Variants in PREX2 observed in about 807,000 individuals in gnomAD.
PREX2 encodes the protein phosphatidylinositol-3,4,5-trisphosphate dependent Rac exchange factor 2.
In PREX2, 107 loss-of-function variants were observed where a neutral mutation model predicts 203.2. The observed-to-expected ratio is 0.53, with a 90% CI of 0.45 to 0.62. The LOEUF (loss-of-function observed/expected upper bound fraction) is 0.62. Ranked by LOEUF, PREX2 falls within the 20% of genes least tolerant of loss-of-function variation. The probability of loss-of-function intolerance (pLI) is 0.00; values close to 1 mark genes in which losing one functional copy is unlikely to be tolerated. For synonymous variants in PREX2, 672 were observed against 663.6 expected, an observed-to-expected ratio of 1.01 and a Z score of -0.19; for missense variants, 1,777 against 1,955.9, an observed-to-expected ratio of 0.91 and a Z score of 1.72.
chr8:68,065,177 C>T (rs1808979118), intron 11 of PREX2, among the ~76,000 whole-genome samples: 2 of 152,174 alleles, frequency 1.3e-5, no homozygotes, highest in African/African-American at 2.4e-5. Context: ...GAAGCATTTG[C>T]CTTACAGCTA....
At chr8:68,210,165 ATGT>A (rs1357280330) in intron 37 of PREX2, among the ~76,000 whole-genome samples, 1 of 152,192 alleles carries the variant, frequency 6.6e-6, no homozygotes, top group Non-Finnish European at 1.5e-5. Flanking sequence ...TTTCAAATTA[ATGT>A]TTAATCCCAC....
At chr8:68,146,987 T>C (rs1563565133) in intron 34 of PREX2, among the ~76,000 whole-genome samples, 1 of 152,164 alleles carries the variant, frequency 6.6e-6, no homozygotes, top group African/African-American at 2.4e-5. Context: ...CTTGAATCTT[T>C]CTTATTTTGG....
intron 38 of PREX2, chr8:68,220,187 A>G (rs913910911): frequency 6.6e-6 from 1 of 152,076 alleles, no homozygotes; most frequent in African/African-American, 2.4e-5. Flanking sequence ...TTTTGTGTAT[A>G]TACTTTTCAT....
chr8:68,070,237 A>C (rs1809157689), intron 13 of PREX2, among the ~76,000 whole-genome samples: 1 of 151,788 alleles, frequency 6.6e-6, no homozygotes. Flanking sequence ...TATTACTTGT[A>C]TATTAACTTT....
chr8:68,191,741 T>C lies in PREX2; in HGVS notation c.4366T>C (p.Ser1456Pro). ...QKLRAFYLDKSNSPPNSTSKA... is the reference protein window; with the variant it reads ...QKLRAFYLDKPNSPPNSTSKA... ...TTACAGGGCATTCTACTTGGACAAG[T>C]CAAATTCACCACCAAACTCCACATC... Residue 1456 changes from serine (S) to proline (P), a missense_variant, in exon 36 of 40, where the codon TCA becomes CCA. Transcript: ENST00000288368. 1 of 1,610,772 alleles carries C rather than the reference T, an allele frequency of 6.2e-7. No individual in the cohort carries two copies. The highest frequency in any genetic ancestry group is 8.5e-7 in the Non-Finnish European group (1 of 1,177,114).
chr8:67,954,406 T>C (rs555122570), intron 1 of PREX2, among the ~76,000 whole-genome samples: 15 of 152,318 alleles, frequency 9.8e-5, no homozygotes, highest in African/African-American at 3.4e-4. Context: ...TTTTAGGGTG[T>C]TATTTATAGC....
At chr8:68,055,996 C>T (rs1808667518) in intron 10 of PREX2, 22 bp downstream of exon 10, 1 of 1,587,378 alleles carries the variant, frequency 6.3e-7, no homozygotes, top group African/African-American at 1.4e-5. Flanking sequence ...AGTTTGGGTG[C>T]ATGACTTTCT....
Position 68,080,801 on chromosome 8 carries a change from C to G in PREX2, c.1841C>G (p.Pro614Arg). Residue 614 changes from proline to arginine, a missense_variant, in exon 17 of 40, where the codon CCA becomes CGA. Pro to Arg is a moderately radical substitution (Grantham distance 103). Transcript: ENST00000288368. Reference protein sequence around the residue: ...GFGLEDKNKVPIIKLVEKGSN... With the variant: ...GFGLEDKNKVRIIKLVEKGSN... ...GGATTAGAAGACAAAAATAAAGTTCCAATAATAAAGTTGGTAGAAAAGGGA... is the reference window on the plus strand; with the variant it reads ...GGATTAGAAGACAAAAATAAAGTTCGAATAATAAAGTTGGTAGAAAAGGGA... 1 of 1,559,428 alleles carries G rather than the reference C, an allele frequency of 6.4e-7. No homozygotes were observed. The highest frequency in any genetic ancestry group is 8.8e-7 in the Non-Finnish European group (1 of 1,136,052).
intron 31 of PREX2, among the ~76,000 whole-genome samples, chr8:68,131,259 T>G (rs1184855018): frequency 1.3e-5 from 2 of 152,248 alleles, no homozygotes; most frequent in African/African-American, 4.8e-5. Context: ...TGCCACTGTT[T>G]TCTAACTTTG....
chr8:68,072,407 T>C lies in PREX2; in HGVS notation c.1494-88T>C, dbSNP rs191734274. 358 of 695,648 alleles carry C rather than the reference T, an allele frequency of 5.1e-4. 2 individuals carry two copies. In the East Asian group the frequency reaches 6.7e-3, roughly 13 times the overall value. 43.1% of individuals were successfully genotyped at this position (695,648 alleles called of 1,614,324 possible). A position where few individuals can be genotyped will look rare whatever the true frequency, so the allele number is the denominator to read the frequency against. On this transcript the variant is annotated intron_variant, in intron 13 of 39. Coordinates refer to ENST00000288368, the MANE Select transcript of PREX2 (RefSeq NM_024870.4). ...GGTAAACTTCTCTGTTGCATATTGA[T>C]ACTAAATGAAAATATTTTCTTGTGC... is the stretch of plus-strand genomic sequence containing the variant.
At chr8:67,981,231 G>A (rs1806260512) in intron 1 of PREX2, among the ~76,000 whole-genome samples, 1 of 152,174 alleles carries the variant, frequency 6.6e-6, no homozygotes, top group Non-Finnish European at 1.5e-5. Flanking sequence ...CGAATGTCTT[G>A]TCAGGAAGAC....
intron 2 of PREX2, 120 bp from the exon 3 acceptor site, chr8:68,019,429 G>T (rs1034249176): frequency 2.8e-6 from 2 of 719,998 alleles, no homozygotes; most frequent in Non-Finnish European, 4.2e-6. Context: ...GGCTCTGTCG[G>T]CAAGGTGGGA....
At position 68,119,469 on chromosome 8, in the gene PREX2, T is replaced by C. The variant is rs748951166; in HGVS notation, c.3459T>C (p.Asp1153=). 3.1e-6 allele frequency: 5 copies of C among 1,613,906 alleles called. No individual in the cohort carries two copies. The highest frequency in any genetic ancestry group is 2.2e-5 in the South Asian group (2 of 91,056). Reference sequence around the variant, plus strand: ...CCTTAAGTGTTCGCATATCTCATGATAAACAGGACAAGATACATAGTTGCC... The same window carrying C: ...CCTTAAGTGTTCGCATATCTCATGACAAACAGGACAAGATACATAGTTGCC... The part of the protein sequence containing the change: ...ELPLSVRISH[D]KQDKIHSCLE... Residue 1153 remains aspartate, a synonymous_variant, in exon 28 of 40, where the codon GAT becomes GAC. Coordinates refer to ENST00000288368, the MANE Select transcript of PREX2 (RefSeq NM_024870.4).
At chr8:68,109,150 T>G in intron 24 of PREX2, 1 of 473,514 alleles carries the variant, frequency 2.1e-6, no homozygotes, top group Non-Finnish European at 3.9e-6. Context: ...CTGAGTATAG[T>G]TAACATATTG....
chr8:67,973,398 C>T (rs766769751), intron 1 of PREX2, among the ~76,000 whole-genome samples: 6 of 152,146 alleles, frequency 3.9e-5, no homozygotes, highest in Non-Finnish European at 8.8e-5. Flanking sequence ...AGAATCTCTC[C>T]GATAGGGTTC....
chr8:68,154,926 G>T (rs959717994), intron 34 of PREX2, among the ~76,000 whole-genome samples: 1 of 152,170 alleles, frequency 6.6e-6, no homozygotes, highest in African/African-American at 2.4e-5. Context: ...TTATTAGGGA[G>T]AATGAATGGG....
At chr8:68,092,572 A>G (rs1585781815) in intron 20 of PREX2, among the ~76,000 whole-genome samples, 1 of 152,176 alleles carries the variant, frequency 6.6e-6, no homozygotes, top group South Asian at 2.1e-4. Flanking sequence ...GTTAAAATAT[A>G]GGATAATTTT....
chr8:68,135,099 T>TGTGTGTGTGTGTGTGTGTGTGTGTGTG (rs58263470), intron 32 of PREX2, among the ~76,000 whole-genome samples: 2 of 148,790 alleles, frequency 1.3e-5, no homozygotes, highest in African/African-American at 4.9e-5. Context: ...AAAACAAATT[T>TGTGTGTGTGTGTGTGTGTGTGTGTGTG]TGTGTGTGTG....
chr8:68,033,875 T>C (rs963220113), intron 6 of PREX2, among the ~76,000 whole-genome samples: 1 of 152,124 alleles, frequency 6.6e-6, no homozygotes, highest in Middle Eastern at 3.2e-3. Context: ...GTACTCTCCA[T>C]TGAACAGATT....
Sources: allele counts gnomAD v4.1 joint callset (sites outside exome capture counted in the v4.1 genomes callset), GRCh38; gene constraint gnomAD v4.1.1; transcripts MANE v1.5; gene names NCBI Gene and HGNC (gene_info 2026-07-23, HGNC 2026-07-21).